The following CORO2B variants were observed in gnomAD, a reference collection of about 807,000 sequenced individuals.
The protein encoded by CORO2B is coronin-2B.
A neutral mutation model predicts 58.8 loss-of-function variants in CORO2B; 26 were observed. The ratio of observed to expected loss-of-function variants is 0.44; its 90% confidence interval spans 0.32 to 0.61. The LOEUF (loss-of-function observed/expected upper bound fraction) is 0.61. Ranked by LOEUF, CORO2B falls within the 20% of genes least tolerant of loss-of-function variation. The pLI, the probability that CORO2B is intolerant of heterozygous loss-of-function variation, is 0.04. For synonymous variants in CORO2B, 242 were observed against 253.8 expected (o/e 0.95, Z 0.44); for missense variants, 460 against 645.1 (o/e 0.71, Z 3.11).
At position 68,694,590 on chromosome 15, in the gene CORO2B, T is replaced by C. The variant is rs912671471; in HGVS notation, c.217-550T>C. On this transcript the variant is annotated intron_variant, in intron 2 of 11. Coordinates refer to ENST00000261861, the MANE Select transcript of CORO2B (RefSeq NM_006091.5). Reference sequence around the variant, plus strand: ...AGAGAGAATGGCTCGTGTAAGAGTATATAGGTGGACCCAGAGATTCAGACC... The same window carrying C: ...AGAGAGAATGGCTCGTGTAAGAGTACATAGGTGGACCCAGAGATTCAGACC... Among the ~76,000 whole-genome samples, 2 of 152,124 alleles carry C rather than the reference T, an allele frequency of 1.3e-5. 1 individual carries two copies. The highest frequency in any genetic ancestry group is 4.8e-5 in the African/African-American group (2 of 41,424).
intron 8 of CORO2B, among the ~76,000 whole-genome samples, chr15:68,716,534 A>G (rs978954491): frequency 1.3e-5 from 2 of 152,234 alleles, no homozygotes; most frequent in African/African-American, 2.4e-5. Context: ...CATTCCACTG[A>G]GCAGGAGACA....
the CORO2B span, among the ~76,000 whole-genome samples, chr15:68,523,108 T>C: frequency 2.0e-5 from 3 of 152,248 alleles, no homozygotes; most frequent in South Asian, 4.1e-4. Context: ...TCCAAGAGTA[T>C]AGCCATCCAG....
At chr15:68,686,802 G>A (rs896042018) in intron 2 of CORO2B, among the ~76,000 whole-genome samples, 1 of 151,892 alleles carries the variant, frequency 6.6e-6, no homozygotes, top group Non-Finnish European at 1.5e-5. Flanking sequence ...GGGAGGCTGA[G>A]GCAGAAGAAT....
chr15:68,650,425 A>C (rs1025691674), intron 2 of CORO2B, among the ~76,000 whole-genome samples: 7 of 150,182 alleles, frequency 4.7e-5, no homozygotes, highest in African/African-American at 1.5e-4. Flanking sequence ...TTCCTGGCCA[A>C]CATGGTGAAA....
At chr15:68,614,490 A>T (rs965462371) in intron 1 of CORO2B, among the ~76,000 whole-genome samples, 1 of 152,192 alleles carries the variant, frequency 6.6e-6, no homozygotes, top group African/African-American at 2.4e-5. Flanking sequence ...CCATTAAGAC[A>T]CAAAGGAGCA....
chr15:68,700,097 C>T lies in CORO2B; in HGVS notation c.333+4841C>T, dbSNP rs563253260. 2.7e-4 allele frequency among the ~76,000 whole-genome samples: 41 copies of T among 152,280 alleles called. 1 individual carries two copies. The highest frequency in any genetic ancestry group is 8.5e-4 in the Admixed American group (13 of 15,306). On this transcript the variant is annotated intron_variant, in intron 3 of 11. Transcript: ENST00000261861. ...CAGGGCCCTTCCCACGGCCTCCCTGCCTCCTTCAAAGCACCTGAGGCATCG... is the reference window on the plus strand; with the variant it reads ...CAGGGCCCTTCCCACGGCCTCCCTGTCTCCTTCAAAGCACCTGAGGCATCG...
intron 2 of CORO2B, among the ~76,000 whole-genome samples, chr15:68,648,002 T>C (rs1197725980): frequency 8.4e-6 from 1 of 118,448 alleles, no homozygotes; most frequent in Admixed American, 1.1e-4. Context: ...CACTCCACCC[T>C]GGGCAACGGA....
intron 1 of CORO2B, chr15:68,641,642 T>A: frequency 1.0e-6 from 1 of 962,052 alleles, no homozygotes; most frequent in Non-Finnish European, 1.2e-6. Flanking sequence ...GGTCAGCATG[T>A]CCTGTGCTGG....
chr15:68,575,587 C>T (rs989558624), upstream of CORO2B, among the ~76,000 whole-genome samples: 5 of 120,546 alleles, frequency 4.1e-5, no homozygotes, highest in Admixed American at 9.0e-5. Flanking sequence ...GCCCCCGCCT[C>T]GGCCTCCCAA....
At chr15:68,574,070 C>A (rs1288605044), upstream of CORO2B, among the ~76,000 whole-genome samples, 1 of 152,098 alleles carries the variant, frequency 6.6e-6, no homozygotes, top group African/African-American at 2.4e-5. Context: ...CCAGGGAGCC[C>A]CTGATGGGGT....
At chr15:68,548,193 G>A in the CORO2B span, among the ~76,000 whole-genome samples, 2 of 88,128 alleles carry the variant, frequency 2.3e-5, no homozygotes, top group Non-Finnish European at 2.5e-5. Context: ...ATATATATGT[G>A]TGTGTGTGTG....
intron 2 of CORO2B, among the ~76,000 whole-genome samples, chr15:68,671,558 T>G (rs750469001): frequency 1.3e-5 from 2 of 152,234 alleles, no homozygotes; most frequent in Non-Finnish European, 2.9e-5. Context: ...GTTCAGGGTC[T>G]CATTTGGTTG....
intron 2 of CORO2B, among the ~76,000 whole-genome samples, chr15:68,694,738 G>A (rs927458166): frequency 1.3e-5 from 2 of 152,228 alleles, no homozygotes; most frequent in South Asian, 2.1e-4. Context: ...CTGAGCGTGC[G>A]TGAACAAGGC....
chr15:68,638,052 C>T (rs1287769420), intron 1 of CORO2B, among the ~76,000 whole-genome samples: 1 of 152,144 alleles, frequency 6.6e-6, no homozygotes, highest in African/African-American at 2.4e-5. Context: ...GGCCATTCAG[C>T]TGCAAAATGA....
At chr15:68,593,768 G>A (rs1000294189) in intron 1 of CORO2B, among the ~76,000 whole-genome samples, 1 of 152,108 alleles carries the variant, frequency 6.6e-6, no homozygotes, top group Admixed American at 6.5e-5. Context: ...CTGAGGTGGC[G>A]AAGTGGGTGT....
chr15:68,663,339 A>C (rs951633205), intron 2 of CORO2B, among the ~76,000 whole-genome samples: 69 of 152,194 alleles, frequency 4.5e-4, no homozygotes, highest in African/African-American at 1.6e-3. Flanking sequence ...AAGTTTCACT[A>C]TCATAGACAG....
intron 1 of CORO2B, among the ~76,000 whole-genome samples, chr15:68,621,297 C>T (rs771661972): frequency 9.2e-5 from 14 of 152,200 alleles, no homozygotes; most frequent in Non-Finnish European, 1.6e-4. Context: ...GGGAAGCAGA[C>T]ACATAAACAG....
chr15:68,526,587 A>T, the CORO2B span, among the ~76,000 whole-genome samples: 6 of 152,030 alleles, frequency 3.9e-5, no homozygotes, highest in South Asian at 2.1e-4. Flanking sequence ...CATTTTTCAA[A>T]TTTTTTGTTA....
intron 3 of CORO2B, among the ~76,000 whole-genome samples, chr15:68,709,544 G>A (rs963623526): frequency 6.1e-5 from 9 of 146,582 alleles, no homozygotes; most frequent in Non-Finnish European, 1.2e-4. Flanking sequence ...TGTAACCTCC[G>A]CGCCTGGCCT....
Sources: gnomAD v4.1 joint callset for allele counts (sites outside exome capture counted in the v4.1 genomes callset) on GRCh38, gnomAD v4.1.1 for gene constraint, MANE v1.5 for transcripts, NCBI Gene and HGNC (gene_info 2026-07-23, HGNC 2026-07-21) for gene names.